The following SCN8A variants were observed in gnomAD, a reference collection of about 807,000 sequenced individuals.
SCN8A encodes sodium channel protein type 8 subunit alpha.
SCN8A carries 30 observed loss-of-function variants against 184.1 expected under a neutral mutation model. The observed-to-expected ratio is 0.16, with a 90% CI of 0.12 to 0.22. The LOEUF (loss-of-function observed/expected upper bound fraction) is 0.22, where lower values mean the gene tolerates loss of function less well. Among genes scored for constraint, SCN8A ranks in the 10% least tolerant of loss-of-function variants. The pLI, the probability that SCN8A is intolerant of heterozygous loss-of-function variation, is 1.00. For missense variants in SCN8A, 1,057 were observed against 2,498.9 expected (o/e 0.42, Z 12.30); for synonymous variants, 852 against 907.0 (o/e 0.94, Z 1.09).
chr12:51,709,553 G>A (rs1018701172), intron 11 of SCN8A, among the ~76,000 whole-genome samples: 1 of 152,218 alleles, frequency 6.6e-6, no homozygotes, highest in African/African-American at 2.4e-5. Flanking sequence ...AGAATTGAAA[G>A]TGTCCATCGG....
chr12:51,744,492 C>G (rs1036924328), intron 12 of SCN8A, among the ~76,000 whole-genome samples: 1 of 152,106 alleles, frequency 6.6e-6, no homozygotes, highest in Non-Finnish European at 1.5e-5. Flanking sequence ...GCAAGGAATT[C>G]CCAGGGAAAT....
intron 1 of SCN8A, among the ~76,000 whole-genome samples, chr12:51,631,034 G>A (rs1940186333): frequency 6.6e-6 from 1 of 152,150 alleles, no homozygotes; most frequent in African/African-American, 2.4e-5. Flanking sequence ...GGGTCCTGAG[G>A]TCCCATCATC....
At chr12:51,657,386 G>A (rs1940843007) in intron 1 of SCN8A, among the ~76,000 whole-genome samples, 1 of 152,086 alleles carries the variant, frequency 6.6e-6, no homozygotes, top group South Asian at 2.1e-4. Context: ...GATGATAAGT[G>A]ATGAGCATTT....
At chr12:51,722,206 A>T (rs1244170795) in intron 12 of SCN8A, 3 of 509,666 alleles carry the variant, frequency 5.9e-6, no homozygotes, top group East Asian at 6.8e-5. Context: ...CTTCTCCCCT[A>T]TCAACTCCTT....
At chr12:51,773,226 A>G (rs1036410281) in intron 19 of SCN8A, among the ~76,000 whole-genome samples, 11 of 152,164 alleles carry the variant, frequency 7.2e-5, no homozygotes, top group Non-Finnish European at 1.6e-4. Flanking sequence ...GTTCAGAGCA[A>G]GCACTTCCCA....
chr12:51,685,477 AT>A (rs963174754), intron 3 of SCN8A, among the ~76,000 whole-genome samples: 1 of 152,150 alleles, frequency 6.6e-6, no homozygotes, highest in Non-Finnish European at 1.5e-5. Flanking sequence ...AAATAGTTTA[AT>A]TTTTCTCAGA....
intron 1 of SCN8A, among the ~76,000 whole-genome samples, chr12:51,635,703 G>A (rs1940301478): frequency 6.6e-6 from 1 of 152,004 alleles, no homozygotes; most frequent in South Asian, 2.1e-4. Flanking sequence ...TGAGAAAATG[G>A]GGAAATAAAG....
intron 24 of SCN8A, 36 bp downstream of exon 24, chr12:51,789,454 T>G (rs1164835784): frequency 6.2e-7 from 1 of 1,610,178 alleles, no homozygotes; most frequent in Admixed American, 1.7e-5. Flanking sequence ...TGGTTGGAAG[T>G]CAGCCCAGAT....
At chr12:51,763,601 ATG>A (rs753886888) in intron 15 of SCN8A, among the ~76,000 whole-genome samples, 2 of 152,232 alleles carry the variant, frequency 1.3e-5, no homozygotes, top group Non-Finnish European at 2.9e-5. Context: ...GTTTGTATTA[ATG>A]TATTTGAAGA....
chr12:51,720,965 G>A (rs555937107), intron 11 of SCN8A, among the ~76,000 whole-genome samples: 100 of 151,146 alleles, frequency 6.6e-4, no homozygotes, highest in African/African-American at 2.3e-3. Context: ...TACTCAGGAG[G>A]CTGAGGCAGG....
intron 1 of SCN8A, among the ~76,000 whole-genome samples, chr12:51,662,022 C>T (rs1285538119): frequency 6.6e-6 from 1 of 152,226 alleles, no homozygotes; most frequent in African/African-American, 2.4e-5. Flanking sequence ...TGCTGCTGCT[C>T]TGCCTGCAGT....
chr12:51,788,582 C>T (rs913641545), intron 22 of SCN8A, 113 bp from the exon 23 acceptor site: 1 of 637,634 alleles, frequency 1.6e-6, no homozygotes, highest in South Asian at 5.0e-5. Flanking sequence ...AGGCTGCACC[C>T]AAACCCCTGT....
intron 12 of SCN8A, among the ~76,000 whole-genome samples, chr12:51,737,998 C>T (rs373531519): frequency 9.9e-4 from 150 of 152,268 alleles, no homozygotes; most frequent in African/African-American, 3.5e-3. Context: ...CTTTACTTAG[C>T]GGCCATTGTT....
Position 51,765,972 on chromosome 12 carries a change from G to A in SCN8A, c.2846G>A (p.Gly949Asp). Residue 949 changes from glycine to aspartate, a missense_variant, in exon 16 of 27, where the codon GGC (glycine) becomes GAC (aspartate). This residue lies in a region of SCN8A where 66 missense variants were observed against 310.6 expected (regional missense o/e 0.21). Coordinates refer to ENST00000627620, the MANE Select transcript of SCN8A (RefSeq NM_001330260.2). The stretch of plus-strand genomic sequence containing the variant: ...ATGTGGGACTGCATGGAAGTGGCAG[G>A]CCAGGCCATGTGCCTCATTGTCTTT... ...ETMWDCMEVA[G>D]QAMCLIVFMM... 1.2e-6 allele frequency: 2 copies of A among 1,614,100 alleles called. No individual in the cohort carries two copies. The highest frequency in any genetic ancestry group is 1.7e-6 in the Non-Finnish European group (2 of 1,180,002).
intron 1 of SCN8A, among the ~76,000 whole-genome samples, chr12:51,639,835 T>G (rs1044936379): frequency 3.3e-5 from 5 of 150,570 alleles, no homozygotes; most frequent in Non-Finnish European, 7.4e-5. Context: ...ATCATTAGTT[T>G]TTTTTTTTTT....
intron 25 of SCN8A, among the ~76,000 whole-genome samples, chr12:51,792,652 C>G (rs555967114): frequency 6.6e-6 from 1 of 151,988 alleles, no homozygotes; most frequent in Non-Finnish European, 1.5e-5. Flanking sequence ...GGTGTCTCCC[C>G]GTAAGCCAGG....
chr12:51,682,737 A>G (rs1373323316), intron 2 of SCN8A, among the ~76,000 whole-genome samples: 1 of 152,202 alleles, frequency 6.6e-6, no homozygotes, highest in Non-Finnish European at 1.5e-5. Context: ...TCACTCACAC[A>G]GTGAGATGTT....
Position 51,807,357 on chromosome 12 carries a change from ACAG to A in SCN8A, c.5876_5878del (p.Gln1959del). On this transcript the variant is annotated inframe_deletion, in exon 27 of 27. Coordinates refer to ENST00000627620, the MANE Select transcript of SCN8A (RefSeq NM_001330260.2). This position sits in a 1 kb window ranked among gnomAD's most constrained non-coding sequence, Gnocchi z 4.5. ...GTGTAACTAAACCTGAAAAGGAGAAACAGCAGCGGGCAGAGGAAGGAAGAAGGG... is the reference window on the plus strand; with the variant it reads ...GTGTAACTAAACCTGAAAAGGAGAAACAGCGGGCAGAGGAAGGAAGAAGGG... The A allele has an allele frequency of 6.2e-7, 1 of 1,613,846 alleles. No homozygotes were observed. Among genetic ancestry groups the A allele is most frequent in the South Asian group, 1.1e-5 (1 of 91,052 alleles).
chr12:51,787,525 A>G (rs994556196), intron 22 of SCN8A, among the ~76,000 whole-genome samples: 6 of 152,196 alleles, frequency 3.9e-5, no homozygotes, highest in Non-Finnish European at 8.8e-5. Context: ...CTTTGGACAA[A>G]TTATTCAGCC....
Sources: allele counts gnomAD v4.1 joint callset (sites outside exome capture counted in the v4.1 genomes callset), GRCh38; gene constraint gnomAD v4.1.1; regional missense constraint gnomAD v4.1.1; non-coding constraint Gnocchi (gnomAD v3.1); transcripts MANE v1.5; gene names NCBI Gene and HGNC (gene_info 2026-07-23, HGNC 2026-07-21).